PDS5B: variants seen among roughly 807,000 people sequenced by gnomAD.
The protein encoded by PDS5B is sister chromatid cohesion protein PDS5 homolog B.
In PDS5B, 51 loss-of-function variants were observed where a neutral mutation model predicts 184.1. That is an observed-to-expected ratio of 0.28 (90% CI 0.22 to 0.35). The LOEUF is 0.35. Ranked by LOEUF, PDS5B falls within the 10% of genes least tolerant of loss-of-function variation. The pLI, the probability that PDS5B is intolerant of heterozygous loss-of-function variation, is 1.00. For missense variants in PDS5B, 1,180 were observed against 1,723.3 expected (o/e 0.68, Z 5.58); for synonymous variants, 566 against 569.2 (o/e 0.99, Z 0.08).
At chr13:32,598,922 C>T (rs2057926367) in intron 1 of PDS5B, among the ~76,000 whole-genome samples, 1 of 151,928 alleles carries the variant, frequency 6.6e-6, no homozygotes, top group Admixed American at 6.6e-5. Flanking sequence ...AGGCGCCTGC[C>T]ACGGCGCCCA....
chr13:32,664,455 C>T (rs1950731585), intron 6 of PDS5B, among the ~76,000 whole-genome samples: 1 of 152,122 alleles, frequency 6.6e-6, no homozygotes. Context: ...TTATAATTGA[C>T]TGAAAAGCAT....
chr13:32,648,342 A>T (rs1950279559), intron 1 of PDS5B, among the ~76,000 whole-genome samples: 1 of 152,170 alleles, frequency 6.6e-6, no homozygotes, highest in South Asian at 2.1e-4. Context: ...ATTTGTCAGA[A>T]ATGAAAAATG....
At chr13:32,758,324 T>C in intron 27 of PDS5B, 105 bp downstream of exon 27, 1 of 1,060,860 alleles carries the variant, frequency 9.4e-7, no homozygotes. Flanking sequence ...AATAATTTTT[T>C]CTATTAGTAA....
chr13:32,691,683 G>A (rs1951553896), intron 13 of PDS5B, among the ~76,000 whole-genome samples: 1 of 152,054 alleles, frequency 6.6e-6, no homozygotes, highest in Admixed American at 6.6e-5. Flanking sequence ...AAGCCTTTCA[G>A]GAGATTTTAA....
intron 12 of PDS5B, 58 bp downstream of exon 12, chr13:32,687,343 T>G: frequency 7.7e-7 from 1 of 1,293,448 alleles, no homozygotes; most frequent in Non-Finnish European, 1.1e-6. Flanking sequence ...ACTTGATTTA[T>G]TGTTTTATGC....
chr13:32,688,415 T>G, intron 12 of PDS5B, 41 bp from the exon 13 acceptor site: 1 of 990,952 alleles, frequency 1.0e-6, no homozygotes, highest in Non-Finnish European at 1.5e-6. Context: ...TTTAGAACAT[T>G]AGAAAAAAAT....
Position 32,672,153 on chromosome 13 carries a change from AAG to A in PDS5B, c.706-1061_706-1060del, listed in dbSNP as rs1566309535. Among the ~76,000 whole-genome samples, 9 of 151,852 alleles carry A rather than the reference AAG, an allele frequency of 5.9e-5. No individual in the cohort carries two copies. In the South Asian group the frequency reaches 1.9e-3, roughly 32 times the overall value. On this transcript the variant is annotated intron_variant, in intron 7 of 34. Coordinates refer to ENST00000315596, the MANE Select transcript of PDS5B (RefSeq NM_015032.4). The stretch of plus-strand genomic sequence containing the variant: ...TAGATATGTACACATCAGAATGTAA[AAG>A]AAGACAAAGGATTAGGAAGAGGTAG...
intron 1 of PDS5B, among the ~76,000 whole-genome samples, chr13:32,648,179 A>G (rs575341032): frequency 1.6e-4 from 24 of 152,260 alleles, no homozygotes; most frequent in South Asian, 4.1e-4. Context: ...GTTCATTTCT[A>G]GTTTACCCTC....
At chr13:32,720,187 G>C (rs1952621506) in intron 19 of PDS5B, among the ~76,000 whole-genome samples, 1 of 152,172 alleles carries the variant, frequency 6.6e-6, no homozygotes, top group Non-Finnish European at 1.5e-5. Flanking sequence ...AAATTTATAA[G>C]CAGGAAGTCC....
At chr13:32,653,447 G>A (rs1950421189) in intron 3 of PDS5B, among the ~76,000 whole-genome samples, 2 of 152,098 alleles carry the variant, frequency 1.3e-5, no homozygotes, top group East Asian at 3.8e-4. Flanking sequence ...GATTTACAGT[G>A]GTGAAAAAAA....
intron 31 of PDS5B, among the ~76,000 whole-genome samples, chr13:32,765,194 C>T (rs181948700): frequency 7.0e-4 from 106 of 152,304 alleles, no homozygotes; most frequent in Non-Finnish European, 1.3e-3. Context: ...ACTCAATGGA[C>T]TTAACTGGGT....
intron 1 of PDS5B, among the ~76,000 whole-genome samples, chr13:32,592,661 T>TA (rs2057795438): frequency 6.6e-6 from 1 of 152,134 alleles, no homozygotes; most frequent in Admixed American, 6.5e-5. Flanking sequence ...ATAGGTCAAG[T>TA]CTTTATAGCT....
At chr13:32,607,067 A>C (rs1220286753) in intron 1 of PDS5B, among the ~76,000 whole-genome samples, 1 of 152,220 alleles carries the variant, frequency 6.6e-6, no homozygotes, top group Non-Finnish European at 1.5e-5. Context: ...AACTTGTCAC[A>C]GTCATTCTCC....
intron 31 of PDS5B, among the ~76,000 whole-genome samples, 157 bp from the exon 32 acceptor site, chr13:32,769,964 T>C (rs1487567844): frequency 2.0e-5 from 3 of 152,162 alleles, no homozygotes; most frequent in Non-Finnish European, 2.9e-5. Context: ...AAAACTATAA[T>C]AAAAGCAAAT....
At chr13:32,617,106 T>G (rs1358040796) in intron 1 of PDS5B, among the ~76,000 whole-genome samples, 1 of 152,204 alleles carries the variant, frequency 6.6e-6, no homozygotes, top group African/African-American at 2.4e-5. Context: ...ATATTATGTG[T>G]CTCATCCAAA....
intron 1 of PDS5B, among the ~76,000 whole-genome samples, chr13:32,647,818 G>C (rs1310164421): frequency 1.3e-5 from 2 of 152,048 alleles, no homozygotes; most frequent in African/African-American, 2.4e-5. Flanking sequence ...TGGTATTTCT[G>C]CTGGTTCTCC....
chr13:32,735,220 C>A lies in PDS5B; in HGVS notation c.2296C>A (p.Pro766Thr), dbSNP rs755496373. The A allele has an allele frequency of 4.3e-6, 7 of 1,611,886 alleles. No homozygotes were observed. The highest frequency in any genetic ancestry group is 2.5e-6 in the Non-Finnish European group (3 of 1,178,564). The change falls in exon 21 of 35, where the codon CCA becomes ACA. Residue 766 changes from proline (P) to threonine (T), a missense_variant. Around this residue, in one of 11 missense-constraint regions of PDS5B, gnomAD observed 475 missense variants for 691.5 expected, o/e 0.69. Transcript: ENST00000315596. ...DPSNLEHLIT[P>T]LVTIGHIALL... ...AAGCAACCTGGAACATCTCATAACA[C>A]CATTGGTTACTATTGGTCATATTGC...
chr13:32,587,031 C>A (rs1310579418), intron 1 of PDS5B, among the ~76,000 whole-genome samples: 5 of 145,358 alleles, frequency 3.4e-5, no homozygotes, highest in Admixed American at 6.8e-5. Flanking sequence ...TCCCCCCGCG[C>A]CCCGGCCGGC....
chr13:32,667,628 G>A (rs765934053), intron 6 of PDS5B, 136 bp from the exon 7 acceptor site: 43 of 570,942 alleles, frequency 7.5e-5, no homozygotes, highest in Non-Finnish European at 1.3e-4. Context: ...AAGAAAAGTG[G>A]TTTTGCCTTC....
Sources: allele counts gnomAD v4.1 joint callset (sites outside exome capture counted in the v4.1 genomes callset), GRCh38; gene constraint gnomAD v4.1.1; regional missense constraint gnomAD v4.1.1; transcripts MANE v1.5; gene names NCBI Gene and HGNC (gene_info 2026-07-23, HGNC 2026-07-21).